FAM83G: variants seen among roughly 807,000 people sequenced by gnomAD.
FAM83G encodes scaffolding CK1 anchoring protein G, also known as protein FAM83G.
FAM83G carries 38 observed loss-of-function variants against 61.5 expected under a neutral mutation model. That is an observed-to-expected ratio of 0.62 (90% CI 0.48 to 0.81). FAM83G has a LOEUF of 0.81. Ranked by LOEUF, FAM83G falls within the 30% of genes least tolerant of loss-of-function variation. FAM83G has a pLI of 0.00. For synonymous variants in FAM83G, 470 were observed against 476.1 expected (o/e 0.99, Z 0.17); for missense variants, 989 against 1,133.6 (o/e 0.87, Z 1.83).
Position 18,971,341 on chromosome 17 carries a change from C to T in FAM83G, c.*18G>A, listed in dbSNP as rs1221962542. 2 of 1,604,578 alleles carry T rather than the reference C, an allele frequency of 1.2e-6. No homozygotes were observed. Among genetic ancestry groups the T allele is most frequent in the Non-Finnish European group, 1.7e-6 (2 of 1,175,450 alleles). Reference sequence around the variant, plus strand: ...GGCTGGGGCCTCAGAAGGTGTGGCTCCAGGCTGGGACATGCTGCTAGGGGT... The same window carrying T: ...GGCTGGGGCCTCAGAAGGTGTGGCTTCAGGCTGGGACATGCTGCTAGGGGT... On this transcript the variant is annotated 3_prime_UTR_variant, in exon 6 of 6. Coordinates refer to ENST00000388995, the MANE Select transcript of FAM83G (RefSeq NM_001039999.3). This position sits in a 1 kb window ranked among gnomAD's most constrained non-coding sequence, Gnocchi z 5.5.
At chr17:18,982,903 G>A (rs2043174671) in intron 3 of FAM83G, among the ~76,000 whole-genome samples, 1 of 152,182 alleles carries the variant, frequency 6.6e-6, no homozygotes. Context: ...TCTATGAAAG[G>A]GTCTACTCAT....
At chr17:18,993,159 C>G (rs999255877) in intron 2 of FAM83G, among the ~76,000 whole-genome samples, 5 of 152,184 alleles carry the variant, frequency 3.3e-5, no homozygotes, top group African/African-American at 7.2e-5. Context: ...GGCCCTAAAC[C>G]AACGCATCCT....
intron 2 of FAM83G, among the ~76,000 whole-genome samples, chr17:18,993,554 A>T (rs966082186): frequency 3.9e-5 from 6 of 152,124 alleles, no homozygotes; most frequent in Non-Finnish European, 7.4e-5. Flanking sequence ...CTCTCTCCTC[A>T]CTATGCTCCA....
At chr17:18,977,508 A>G in intron 5 of FAM83G, 76 bp downstream of exon 5, 1 of 1,408,500 alleles carries the variant, frequency 7.1e-7, no homozygotes, top group Non-Finnish European at 9.7e-7. Context: ...GGTAGCCCAG[A>G]AGACAACAGC....
rs1757305663 is a variant in FAM83G, at chr17:19,000,667, G to C, written c.522+2853C>G. 6.6e-6 allele frequency among the ~76,000 whole-genome samples: 1 copy of C among 152,188 alleles called. No homozygotes were observed. The highest frequency in any genetic ancestry group is 2.1e-4 in the South Asian group (1 of 4,838). ...CAGCAGCCCCAGCCTAAAGCCCCCG[G>C]TGGGAAGGGGCCAGTGTGCGGCAAG... On this transcript the variant is annotated intron_variant, in intron 2 of 5. Transcript: ENST00000388995. This position sits in a 1 kb window ranked among gnomAD's most constrained non-coding sequence, Gnocchi z 5.2.
At position 18,978,150 on chromosome 17, in the gene FAM83G, T is replaced by C. The variant is rs772207732; in HGVS notation, c.1516A>G (p.Lys506Glu). 23 of 1,529,616 alleles carry C rather than the reference T, an allele frequency of 1.5e-5. 1 individual carries two copies. Among genetic ancestry groups the C allele is most frequent in the Non-Finnish European group, 2.0e-5 (23 of 1,142,116 alleles). 94.8% of individuals were successfully genotyped at this position (1,529,616 alleles called of 1,614,324 possible). The change falls in exon 5 of 6, where the codon AAG becomes GAG. Residue 506 changes from lysine to glutamate, a missense_variant. Transcript: ENST00000388995. ...GDPEPLPPVP[K>E]PRTVPVADVL... ...TCTGCCACAGGGACTGTCCGGGGCT[T>C]GGGCACGGGGGGCAATGGCTCAGGG...
chr17:19,004,415 A>G lies in FAM83G; in HGVS notation c.-128-246T>C, dbSNP rs1228060714. On this transcript the variant is annotated intron_variant, in intron 1 of 5. Transcript: ENST00000388995. This position sits in a 1 kb window ranked among gnomAD's most constrained non-coding sequence, Gnocchi z 5.4. The stretch of plus-strand genomic sequence containing the variant: ...TCTACGTGCAGGGAACCCATATCCC[A>G]GATTTCCGGAGCTGCCTGAAGTCCT... 6.6e-6 allele frequency among the ~76,000 whole-genome samples: 1 copy of G among 152,130 alleles called. No homozygotes were observed. Among genetic ancestry groups the G allele is most frequent in the East Asian group, 1.9e-4 (1 of 5,176 alleles).
rs370131865 is a variant in FAM83G at position 18,995,505 on chromosome 17, T to C, written c.523-7091A>G. Among the ~76,000 whole-genome samples the C allele has an allele frequency of 2.3e-3, 343 of 152,222 alleles. 2 individuals carry two copies. The highest frequency in any genetic ancestry group is 2.0e-3 in the Non-Finnish European group (139 of 68,022). ...TGGGTCAACTTCAAGCCATCCAATA[T>C]ATGTGTAATTGCAGTCTCAGAAGGT... is the stretch of plus-strand genomic sequence containing the variant. On this transcript the variant is annotated intron_variant, in intron 2 of 5. Coordinates refer to ENST00000388995, the MANE Select transcript of FAM83G (RefSeq NM_001039999.3).
At chr17:18,980,393 G>GA (rs2043100953) in intron 3 of FAM83G, among the ~76,000 whole-genome samples, 1 of 152,148 alleles carries the variant, frequency 6.6e-6, no homozygotes, top group African/African-American at 2.4e-5. Context: ...CTCAGAGACT[G>GA]TGGCCAAGGG....
upstream of FAM83G, among the ~76,000 whole-genome samples, chr17:19,006,107 G>C (rs2043882626): frequency 6.6e-6 from 1 of 152,168 alleles, no homozygotes; most frequent in African/African-American, 2.4e-5. Context: ...CAGTTGATGA[G>C]CAGGAAGGTT....
chr17:18,990,612 C>T (rs2043393381), intron 2 of FAM83G, among the ~76,000 whole-genome samples: 1 of 152,238 alleles, frequency 6.6e-6, no homozygotes, highest in Non-Finnish European at 1.5e-5. Flanking sequence ...ACATTGCCCT[C>T]AGCCAGGCAG....
upstream of FAM83G, among the ~76,000 whole-genome samples, chr17:19,005,546 C>T (rs1324448206): frequency 6.6e-6 from 1 of 152,188 alleles, no homozygotes; most frequent in African/African-American, 2.4e-5. Context: ...GCCCTTCCTC[C>T]CATCCCCCAT....
At chr17:18,982,021 G>GC (rs2043150472) in intron 3 of FAM83G, among the ~76,000 whole-genome samples, 1 of 152,222 alleles carries the variant, frequency 6.6e-6, no homozygotes, top group Non-Finnish European at 1.5e-5. Context: ...TCGGCCGCCA[G>GC]CATCAGGACC....
chr17:18,997,816 C>T (rs899963260), intron 2 of FAM83G, among the ~76,000 whole-genome samples: 1 of 152,152 alleles, frequency 6.6e-6, no homozygotes, highest in Admixed American at 6.5e-5. Flanking sequence ...GTGGAGGAGG[C>T]GAGGGGAGAG....
chr17:19,004,128 G>T lies in FAM83G; in HGVS notation c.-87C>A, dbSNP rs914374577. The T allele has an allele frequency of 3.0e-6, 4 of 1,329,944 alleles. No homozygotes were observed. The highest frequency in any genetic ancestry group is 4.1e-6 in the Non-Finnish European group (4 of 974,136). The allele number at this position is 1,329,944 out of a possible 1,614,324, so 82.4% of individuals were successfully genotyped here. The stretch of plus-strand genomic sequence containing the variant: ...GGCCCAGCTGGGGCACCGCGCGCTC[G>T]GGGGCCTCTCCGCGGCCTCTGCTTC... On this transcript the variant is annotated 5_prime_UTR_variant, in exon 2 of 6. Coordinates refer to ENST00000388995, the MANE Select transcript of FAM83G (RefSeq NM_001039999.3). The surrounding 1 kb of genome is among the most constrained non-coding windows in gnomAD (Gnocchi z 5.4).
In FAM83G at chr17:18,969,296, T is replaced by A; in HGVS notation, c.*2063A>T. ...CAGAAGTTCCTCCCCGTGTCCCTCC[T>A]CCCTGGGGCCAGGGCCCCCTCCAGC... On this transcript the variant is annotated 3_prime_UTR_variant, in exon 6 of 6. Coordinates refer to ENST00000388995, the MANE Select transcript of FAM83G (RefSeq NM_001039999.3). The A allele has an allele frequency of 6.2e-7, 1 of 1,600,784 alleles. No individual in the cohort carries two copies. The highest frequency in any genetic ancestry group is 1.7e-5 in the Admixed American group (1 of 59,582).
chr17:18,976,937 C>A lies in FAM83G; in HGVS notation c.2082+647G>T, dbSNP rs1318000936. ...TCCTGGCCAGCTACCTCAAGATGCTCCCCATGGGCCTGATCATCATGCCGG... is the reference window on the plus strand; with the variant it reads ...TCCTGGCCAGCTACCTCAAGATGCTACCCATGGGCCTGATCATCATGCCGG... On this transcript the variant is annotated intron_variant, in intron 5 of 5. Transcript: ENST00000388995. 3 of 1,613,418 alleles carry A rather than the reference C, an allele frequency of 1.9e-6. 1 individual carries two copies. Among genetic ancestry groups the A allele is most frequent in the South Asian group, 2.2e-5 (2 of 91,072 alleles).
chr17:18,999,953 G>A (rs2043686565), intron 2 of FAM83G, among the ~76,000 whole-genome samples: 1 of 152,244 alleles, frequency 6.6e-6, no homozygotes, highest in African/African-American at 2.4e-5. Flanking sequence ...GTTGAGGGGG[G>A]CTCAGCATCT....
Position 18,977,744 on chromosome 17 carries a change from G to A in FAM83G, c.1922C>T (p.Pro641Leu). 1.2e-6 allele frequency: 2 copies of A among 1,605,962 alleles called. No homozygotes were observed. Among genetic ancestry groups the A allele is most frequent in the Non-Finnish European group, 1.7e-6 (2 of 1,176,690 alleles). ...CAGCTGCCGGCGCGGTGGTGGGGTT[G>A]GCCCGTTGGCCACTTGCTCTGAGTG... ...RRHSEQVANG[P>L]TPPPRRQLSA... Residue 641 changes from proline to leucine, a missense_variant, in exon 5 of 6, where the codon CCA becomes CTA. Pro to Leu is a moderately conservative substitution (Grantham distance 98, BLOSUM62 -3). Transcript: ENST00000388995.
Sources: gnomAD v4.1 joint callset for allele counts (sites outside exome capture counted in the v4.1 genomes callset) on GRCh38, gnomAD v4.1.1 for gene constraint, Gnocchi (gnomAD v3.1) non-coding constraint, MANE v1.5 for transcripts, NCBI Gene and HGNC (gene_info 2026-07-23, HGNC 2026-07-21) for gene names.